Variants in C1QTNF7 observed in about 807,000 individuals in gnomAD.
C1QTNF7 encodes the protein complement C1q tumor necrosis factor-related protein 7.
A neutral mutation model predicts 19.6 loss-of-function variants in C1QTNF7; 15 were observed. The observed-to-expected ratio is 0.76, with a 90% CI of 0.51 to 1.18. The LOEUF (loss-of-function observed/expected upper bound fraction) is 1.18, where lower values mean the gene tolerates loss of function less well. Ranked by LOEUF, C1QTNF7 falls within the 50% of genes most tolerant of loss-of-function variation. The pLI, the probability that C1QTNF7 is intolerant of heterozygous loss-of-function variation, is 0.00. For synonymous variants in C1QTNF7, 142 were observed against 137.5 expected, an observed-to-expected ratio of 1.03 and a Z score of -0.23; for missense variants, 324 against 359.7, an observed-to-expected ratio of 0.90 and a Z score of 0.80.
intron 1 of C1QTNF7, among the ~76,000 whole-genome samples, chr4:15,420,565 C>T (rs959465940): frequency 2.0e-5 from 3 of 152,202 alleles, no homozygotes; most frequent in African/African-American, 7.2e-5. Flanking sequence ...AGATGCATTA[C>T]TTCATCAAAC....
At chr4:15,380,073 C>A (rs1718082468) in intron 1 of C1QTNF7, among the ~76,000 whole-genome samples, 1 of 152,200 alleles carries the variant, frequency 6.6e-6, no homozygotes, top group South Asian at 2.1e-4. Flanking sequence ...TAATGCCCAA[C>A]AAAATGAATA....
chr4:15,394,020 A>G (rs761583763), intron 1 of C1QTNF7, among the ~76,000 whole-genome samples: 2 of 152,228 alleles, frequency 1.3e-5, no homozygotes, highest in African/African-American at 2.4e-5. Flanking sequence ...TCTATTTCAT[A>G]TAGCAGGGAA....
chr4:15,408,275 CAAAA>C lies in C1QTNF7; in HGVS notation c.14-27441_14-27438del, dbSNP rs71179625. ...CAACAGAGTGAGTAAGACTCTGTCTCAAAAAAAAAAAAAAAAAAAAAAAGTTTGT... is the reference window on the plus strand; with the variant it reads ...CAACAGAGTGAGTAAGACTCTGTCTCAAAAAAAAAAAAAAAAAAAGTTTGT... On this transcript the variant is annotated intron_variant, in intron 1 of 2. Transcript: ENST00000295297. Among the ~76,000 whole-genome samples, 189 of 78,432 alleles carry C rather than the reference CAAAA, an allele frequency of 2.4e-3. 1 individual carries two copies. Among genetic ancestry groups the C allele is most frequent in the Middle Eastern group, 0.011 (1 of 90 alleles). The allele number at this position is 78,432 out of a possible 152,430, so 51.5% of individuals were successfully genotyped here.
chr4:15,415,117 C>A (rs1008684256), intron 1 of C1QTNF7, among the ~76,000 whole-genome samples: 2 of 152,224 alleles, frequency 1.3e-5, no homozygotes, highest in African/African-American at 2.4e-5. Context: ...AGTCCAAAAT[C>A]TTGGCCATTC....
chr4:15,345,415 T>C lies in C1QTNF7; in HGVS notation c.13+5208T>C, dbSNP rs185060562. Among the ~76,000 whole-genome samples the C allele has an allele frequency of 2.6e-5, 4 of 152,300 alleles. No individual in the cohort carries two copies. The East Asian group carries it at 7.7e-4, about 29-fold the overall frequency. ...GGTCTAGCCAGGCAGGGTGACGATTTCTACTTCTCACAGATGCACCGACCC... is the reference window on the plus strand; with the variant it reads ...GGTCTAGCCAGGCAGGGTGACGATTCCTACTTCTCACAGATGCACCGACCC... On this transcript the variant is annotated intron_variant, in intron 1 of 2. Coordinates refer to the C1QTNF7 transcript ENST00000295297.
chr4:15,419,851 A>G (rs1473175238), intron 1 of C1QTNF7: 2 of 152,096 alleles, frequency 1.3e-5, no homozygotes, highest in Non-Finnish European at 2.9e-5. Flanking sequence ...ACAAAAACCA[A>G]ACAAACCAAA....
At chr4:15,404,846 A>G (rs1275471572) in intron 1 of C1QTNF7, among the ~76,000 whole-genome samples, 1 of 152,228 alleles carries the variant, frequency 6.6e-6, no homozygotes, top group African/African-American at 2.4e-5. Context: ...TGGCAATTTA[A>G]CAACACATCC....
At chr4:15,432,567 T>C (rs1362015423) in intron 1 of C1QTNF7, among the ~76,000 whole-genome samples, 2 of 152,298 alleles carry the variant, frequency 1.3e-5, no homozygotes, top group Middle Eastern at 3.4e-3. Context: ...GGCTACTTTT[T>C]GTATTTTTAG....
At chr4:15,349,424 T>C (rs945373900) in intron 1 of C1QTNF7, among the ~76,000 whole-genome samples, 3 of 152,158 alleles carry the variant, frequency 2.0e-5, no homozygotes, top group African/African-American at 7.2e-5. Flanking sequence ...TAGTAGAAAC[T>C]GCATAAATTT....
intron 1 of C1QTNF7, among the ~76,000 whole-genome samples, chr4:15,356,386 G>T (rs1264767148): frequency 6.6e-6 from 1 of 152,120 alleles, no homozygotes; most frequent in Non-Finnish European, 1.5e-5. Flanking sequence ...TGCTGAGAAT[G>T]ATGGTTTCCA....
chr4:15,350,183 CAGGA>C (rs1179802162), intron 1 of C1QTNF7, among the ~76,000 whole-genome samples: 75 of 6,406 alleles, frequency 0.012, no homozygotes, highest in African/African-American at 0.044. Flanking sequence ...AGGAGGGAGG[CAGGA>C]AGGAAGGAAG....
intron 1 of C1QTNF7, among the ~76,000 whole-genome samples, chr4:15,341,732 G>A (rs1716545485): frequency 6.6e-6 from 1 of 152,218 alleles, no homozygotes; most frequent in Non-Finnish European, 1.5e-5. Context: ...TCCCCAGGCT[G>A]GTCGGGGAAG....
intron 1 of C1QTNF7, among the ~76,000 whole-genome samples, chr4:15,360,687 G>A (rs1209100774): frequency 2.0e-5 from 3 of 152,152 alleles, no homozygotes. Context: ...AGAGCTGAAA[G>A]GAGAAAGTAG....
intron 1 of C1QTNF7, among the ~76,000 whole-genome samples, chr4:15,357,492 G>A (rs774252783): frequency 1.4e-4 from 21 of 152,150 alleles, no homozygotes; most frequent in Non-Finnish European, 2.2e-4. Context: ...CTGCAGCCTT[G>A]TAGTATAGTT....
intron 1 of C1QTNF7, among the ~76,000 whole-genome samples, chr4:15,354,887 T>C (rs1448368535): frequency 6.6e-6 from 1 of 152,124 alleles, no homozygotes; most frequent in Non-Finnish European, 1.5e-5. Flanking sequence ...ACTTTAAGGA[T>C]AATTTTCTTT....
At chr4:15,399,656 T>C (rs560792666) in intron 1 of C1QTNF7, among the ~76,000 whole-genome samples, 34 of 152,372 alleles carry the variant, frequency 2.2e-4, no homozygotes, top group Middle Eastern at 6.8e-3. Context: ...GTAGCTAATT[T>C]CATAAAACAC....
At chr4:15,377,601 C>T (rs1051438972) in intron 1 of C1QTNF7, among the ~76,000 whole-genome samples, 5 of 152,082 alleles carry the variant, frequency 3.3e-5, no homozygotes, top group Non-Finnish European at 7.4e-5. Flanking sequence ...CTATAGTGCC[C>T]AGACAGATAT....
Position 15,445,906 on chromosome 4 carries a change from A to C in C1QTNF7, c.*3107A>C, listed in dbSNP as rs1712979262. 6.6e-6 allele frequency: 1 copy of C among 152,206 alleles called. No individual in the cohort carries two copies. The highest frequency in any genetic ancestry group is 1.5e-5 in the Non-Finnish European group (1 of 68,044). 9.4% of individuals were successfully genotyped at this position (152,206 alleles called of 1,614,324 possible). On this transcript the variant is annotated 3_prime_UTR_variant, in exon 3 of 3. Transcript: ENST00000444304. The stretch of plus-strand genomic sequence containing the variant: ...AAACAGCAGTCAAAAGCAGATGAGA[A>C]GAAATGGGAAAAACAAAAAAAAAAG...
At chr4:15,381,281 G>T (rs546768795) in intron 1 of C1QTNF7, among the ~76,000 whole-genome samples, 1 of 152,110 alleles carries the variant, frequency 6.6e-6, no homozygotes, top group African/African-American at 2.4e-5. Context: ...GCCAGGCATG[G>T]TGGTGGGTGC....
Sources: gnomAD v4.1 joint callset for allele counts (sites outside exome capture counted in the v4.1 genomes callset) on GRCh38, gnomAD v4.1.1 for gene constraint, MANE v1.5 for transcripts, NCBI Gene and HGNC (gene_info 2026-07-23, HGNC 2026-07-21) for gene names.